CACUL1: variants seen among roughly 807,000 people sequenced by gnomAD.
CACUL1 encodes the protein CDK2-associated and cullin domain-containing protein 1.
Under a neutral mutation model 45.2 loss-of-function variants are expected in CACUL1, and 13 were observed. The ratio of observed to expected loss-of-function variants is 0.29; its 90% CI spans 0.19 to 0.46. CACUL1 has a LOEUF of 0.46. Ranked by LOEUF, CACUL1 falls within the 20% of genes least tolerant of loss-of-function variation. The pLI, the probability that CACUL1 is intolerant of heterozygous loss-of-function variation, is 1.00. For synonymous variants in CACUL1, 197 were observed against 174.2 expected (o/e 1.13, Z -1.03); for missense variants, 421 against 471.4 (o/e 0.89, Z 0.99).
chr10:118,691,501 A>C, intron 6 of CACUL1, 98 bp from the exon 7 acceptor site: 1 of 1,097,540 alleles, frequency 9.1e-7, no homozygotes, highest in Non-Finnish European at 1.3e-6. Flanking sequence ...AGTAAGCCAA[A>C]TTTAAGCAGG....
At chr10:118,746,440 C>T (rs1448001589) in intron 1 of CACUL1, among the ~76,000 whole-genome samples, 2 of 152,188 alleles carry the variant, frequency 1.3e-5, no homozygotes, top group Non-Finnish European at 2.9e-5. Context: ...TTATCTCACA[C>T]TATACAGACA....
intron 1 of CACUL1, among the ~76,000 whole-genome samples, chr10:118,749,722 C>G (rs1426419766): frequency 2.0e-5 from 3 of 152,194 alleles, no homozygotes; most frequent in Admixed American, 1.3e-4. Context: ...AACACTGGCT[C>G]TAAGCCAATA....
At chr10:118,740,539 G>A (rs1405320062) in intron 1 of CACUL1, among the ~76,000 whole-genome samples, 2 of 152,026 alleles carry the variant, frequency 1.3e-5, no homozygotes, top group Non-Finnish European at 2.9e-5. Context: ...GAACCCAGGA[G>A]GCAGAGACTA....
chr10:118,727,816 A>T (rs1363602145), intron 3 of CACUL1, among the ~76,000 whole-genome samples: 2 of 152,238 alleles, frequency 1.3e-5, no homozygotes, highest in Non-Finnish European at 2.9e-5. Flanking sequence ...CTGGCAAATG[A>T]ACAGAAGTGT....
At chr10:118,686,735 T>C (rs544702779) in intron 7 of CACUL1, 94 bp from the exon 8 acceptor site, 1 of 907,326 alleles carries the variant, frequency 1.1e-6, no homozygotes, top group Admixed American at 1.8e-5. Flanking sequence ...TAGCAGACAT[T>C]TCAGTTCTAA....
At chr10:118,722,579 A>G (rs1418732701) in intron 3 of CACUL1, among the ~76,000 whole-genome samples, 1 of 152,200 alleles carries the variant, frequency 6.6e-6, no homozygotes, top group East Asian at 1.9e-4. Flanking sequence ...TGTCACGATT[A>G]TCATAGCAAA....
intron 3 of CACUL1, among the ~76,000 whole-genome samples, chr10:118,721,232 C>T (rs1845597278): frequency 6.6e-6 from 1 of 152,178 alleles, no homozygotes; most frequent in African/African-American, 2.4e-5. Context: ...AAATAAATAG[C>T]AACGCAATCC....
chr10:118,676,774 T>C lies in CACUL1; in HGVS notation c.*9354A>G, dbSNP rs1845101255. 1 of 152,158 alleles carries C rather than the reference T, an allele frequency of 6.6e-6. No homozygotes were observed. Among genetic ancestry groups the C allele is most frequent in the Admixed American group, 6.5e-5 (1 of 15,280 alleles). 9.4% of individuals were successfully genotyped at this position (152,158 alleles called of 1,614,324 possible). On this transcript the variant is annotated 3_prime_UTR_variant, in exon 9 of 9. Coordinates refer to ENST00000369151, the MANE Select transcript of CACUL1 (RefSeq NM_153810.5). ...TTACTTCATCTTTTTGATTTTCTAC[T>C]TTTGCTTTATATGTATTGGTAACAT...
chr10:118,703,372 A>G (rs959106726), intron 4 of CACUL1, among the ~76,000 whole-genome samples: 3 of 151,076 alleles, frequency 2.0e-5, no homozygotes. Flanking sequence ...CTGCTTTTTC[A>G]TTTAATGTTG....
chr10:118,716,248 A>G (rs1845543667), intron 3 of CACUL1, among the ~76,000 whole-genome samples: 1 of 151,542 alleles, frequency 6.6e-6, no homozygotes, highest in Non-Finnish European at 1.5e-5. Context: ...AAAAAGAAAA[A>G]GAAAAAGAAA....
At chr10:118,722,185 G>C (rs1470315019) in intron 3 of CACUL1, among the ~76,000 whole-genome samples, 7 of 151,730 alleles carry the variant, frequency 4.6e-5, no homozygotes, top group Admixed American at 3.9e-4. Flanking sequence ...CCAGGTTCAA[G>C]TGATTCTCCT....
intron 1 of CACUL1, among the ~76,000 whole-genome samples, chr10:118,736,133 A>G (rs1380395132): frequency 6.6e-6 from 1 of 152,210 alleles, no homozygotes; most frequent in Non-Finnish European, 1.5e-5. Flanking sequence ...CCAAGAACAT[A>G]ACCTGAGGAA....
chr10:118,729,050 A>G, intron 3 of CACUL1: 1 of 377,602 alleles, frequency 2.6e-6, no homozygotes, highest in Non-Finnish European at 4.7e-6. Flanking sequence ...TGTTGACATG[A>G]TAATCAATAG....
At chr10:118,692,392 A>G (rs1264497533) in intron 6 of CACUL1, 1 of 152,238 alleles carries the variant, frequency 6.6e-6, no homozygotes, top group Non-Finnish European at 1.5e-5. Flanking sequence ...TCTTTATTAT[A>G]ACGAATATGT....
At chr10:118,753,339 A>AT (rs1158197369) in intron 1 of CACUL1, among the ~76,000 whole-genome samples, 1 of 152,270 alleles carries the variant, frequency 6.6e-6, no homozygotes, top group Non-Finnish European at 1.5e-5. Flanking sequence ...GACTATCTGC[A>AT]TCAAGGCAAA....
At chr10:118,728,758 G>A (rs1376125861) in intron 3 of CACUL1, among the ~76,000 whole-genome samples, 2 of 152,084 alleles carry the variant, frequency 1.3e-5, no homozygotes, top group African/African-American at 2.4e-5. Flanking sequence ...TACTGAAGTG[G>A]GCAGGGGGAG....
At chr10:118,717,298 A>G (rs1238079909) in intron 3 of CACUL1, among the ~76,000 whole-genome samples, 1 of 152,254 alleles carries the variant, frequency 6.6e-6, no homozygotes, top group Non-Finnish European at 1.5e-5. Context: ...TGCAAACTGC[A>G]CTGAAATCAG....
intron 5 of CACUL1, among the ~76,000 whole-genome samples, chr10:118,700,716 C>CAAAAAAAAAAAAGAAAAAAAAAAAAA (rs1845370901): frequency 7.5e-6 from 1 of 132,946 alleles, no homozygotes; most frequent in African/African-American, 3.2e-5. Flanking sequence ...GACTCCGTCT[C>CAAAAAAAAAAAAGAAAAAAAAAAAAA]AAAAAAAAAA....
Position 118,686,127 on chromosome 10 carries a change from A to G in CACUL1, c.*1T>C. ...GAAGGAAAGCATATTCAATACATTC[A>G]CTATCTGTACCCCCTGGAACTTGCA... On this transcript the variant is annotated 3_prime_UTR_variant, in exon 9 of 9. Coordinates refer to ENST00000369151, the MANE Select transcript of CACUL1 (RefSeq NM_153810.5). The G allele has an allele frequency of 1.9e-6, 3 of 1,610,972 alleles. No homozygotes were observed. The highest frequency in any genetic ancestry group is 2.5e-6 in the Non-Finnish European group (3 of 1,177,232).
Sources: gnomAD v4.1 joint callset for allele counts (sites outside exome capture counted in the v4.1 genomes callset) on GRCh38, gnomAD v4.1.1 for gene constraint, MANE v1.5 for transcripts, NCBI Gene and HGNC (gene_info 2026-07-23, HGNC 2026-07-21) for gene names.